The following RBFOX1 variants were observed in gnomAD, a reference collection of about 807,000 sequenced individuals.
RBFOX1 encodes RNA binding fox-1 homolog 1.
A neutral mutation model predicts 57.7 loss-of-function variants in RBFOX1; 8 were observed. The ratio of observed to expected loss-of-function variants is 0.14; its 90% CI spans 0.08 to 0.25. RBFOX1 has a LOEUF of 0.25. RBFOX1 is among the 10% of genes least tolerant of loss of function. The pLI, the probability that RBFOX1 is intolerant of heterozygous loss-of-function variation, is 1.00. For missense variants in RBFOX1, 611 were observed against 548.5 expected (o/e 1.11, Z -1.14); for synonymous variants, 326 against 222.4 (o/e 1.47, Z -4.15).
intron 3 of RBFOX1, among the ~76,000 whole-genome samples, chr16:6,847,736 A>G (rs1306082290): frequency 6.6e-6 from 1 of 152,166 alleles, no homozygotes; most frequent in African/African-American, 2.4e-5. Context: ...GTGAATGCTT[A>G]CACATTTTTA....
At chr16:7,454,707 CT>C (rs1020695036) in intron 4 of RBFOX1, among the ~76,000 whole-genome samples, 5 of 152,304 alleles carry the variant, frequency 3.3e-5, no homozygotes, top group Admixed American at 3.3e-4. Context: ...GAGTTTTTAT[CT>C]AAGCCAAGAT....
intron 3 of RBFOX1, among the ~76,000 whole-genome samples, chr16:5,612,316 C>T (rs557880715): frequency 1.4e-5 from 2 of 146,094 alleles, no homozygotes; most frequent in East Asian, 4.5e-4. Context: ...TTCCCATCTA[C>T]TCATCCACCT....
rs1443738197 is a variant in RBFOX1, at chr16:7,578,342, G to C, written c.271-1435G>C. Among the ~76,000 whole-genome samples the C allele has an allele frequency of 2.0e-5, 3 of 152,158 alleles. 1 individual carries two copies. Among genetic ancestry groups the C allele is most frequent in the Non-Finnish European group, 1.5e-5 (1 of 68,032 alleles). ...AATACATTGTCTAAATACATGACTT[G>C]CACTTAAAAGCTGAAGTCAACTGGT... On this transcript the variant is annotated intron_variant, in intron 5 of 15. Coordinates refer to ENST00000550418, the MANE Select transcript of RBFOX1 (RefSeq NM_018723.4).
chr16:7,370,721 G>T (rs371774748), intron 4 of RBFOX1, among the ~76,000 whole-genome samples: 11 of 152,306 alleles, frequency 7.2e-5, no homozygotes, highest in African/African-American at 2.4e-4. Flanking sequence ...CTAGTGGCCA[G>T]TTTTCCTGTT....
At chr16:5,963,445 T>C (rs2059788634) in intron 4 of RBFOX1, among the ~76,000 whole-genome samples, 1 of 152,226 alleles carries the variant, frequency 6.6e-6, no homozygotes, top group Non-Finnish European at 1.5e-5. Flanking sequence ...AGATGTTGAA[T>C]CTTGAGCAAG....
chr16:5,854,295 C>T (rs903573897), intron 3 of RBFOX1, among the ~76,000 whole-genome samples: 4 of 152,204 alleles, frequency 2.6e-5, no homozygotes, highest in East Asian at 1.9e-4. Context: ...ACTTATCCTG[C>T]GTAACTGAAA....
At chr16:6,760,475 A>C (rs905826168) in intron 3 of RBFOX1, among the ~76,000 whole-genome samples, 2 of 152,234 alleles carry the variant, frequency 1.3e-5, no homozygotes, top group Non-Finnish European at 2.9e-5. Context: ...AAATAAGATA[A>C]AATACCAAGG....
At chr16:7,159,304 T>G (rs1376285692) in intron 4 of RBFOX1, among the ~76,000 whole-genome samples, 1 of 152,150 alleles carries the variant, frequency 6.6e-6, no homozygotes, top group South Asian at 2.1e-4. Context: ...CCATTGTCAC[T>G]GCGTCATGCC....
intron 1 of RBFOX1, among the ~76,000 whole-genome samples, chr16:5,361,111 C>T (rs764159435): frequency 6.6e-6 from 1 of 152,114 alleles, no homozygotes. Flanking sequence ...TGCAATAATC[C>T]TGTGGTTCTA....
intron 5 of RBFOX1, among the ~76,000 whole-genome samples, chr16:7,577,972 G>A (rs953196669): frequency 2.6e-5 from 4 of 152,362 alleles, no homozygotes; most frequent in Non-Finnish European, 5.9e-5. Context: ...ATGCACTAAA[G>A]TTGGAATTGC....
rs142335374 is a variant in RBFOX1 at position 6,310,283 on chromosome 16, T to C, written c.-126-6712T>C. Among the ~76,000 whole-genome samples, 933 of 152,332 alleles carry C rather than the reference T, an allele frequency of 6.1e-3. 9 individuals carry two copies. Among genetic ancestry groups the C allele is most frequent in the Middle Eastern group, 0.037 (11 of 294 alleles). On this transcript the variant is annotated intron_variant, in intron 1 of 15. Transcript: ENST00000550418. ...AGAGAAGAGCCTCACTGGTTCCTTATTTTTAGGAATCTTCAGTGAGCACTT... is the reference window on the plus strand; with the variant it reads ...AGAGAAGAGCCTCACTGGTTCCTTACTTTTAGGAATCTTCAGTGAGCACTT...
chr16:7,293,466 C>G (rs2095833905), intron 4 of RBFOX1, among the ~76,000 whole-genome samples: 1 of 152,148 alleles, frequency 6.6e-6, no homozygotes, highest in African/African-American at 2.4e-5. Context: ...TCTCTGCCAC[C>G]ATCTTCATGT....
Position 7,046,506 on chromosome 16 carries a change from G to T in RBFOX1, c.-15-5551G>T, listed in dbSNP as rs2047997170. ...ATCAAGTTCAATACGTTAAATATAT[G>T]TAATTTTTATTTTTTAATTGTGCCT... On this transcript the variant is annotated intron_variant, in intron 3 of 15. Transcript: ENST00000550418. Among the ~76,000 whole-genome samples, 2 of 150,334 alleles carry T rather than the reference G, an allele frequency of 1.3e-5. 1 individual carries two copies. Among genetic ancestry groups the T allele is most frequent in the South Asian group, 4.2e-4 (2 of 4,742 alleles).
chr16:5,341,145 A>G (rs886639987), intron 1 of RBFOX1, among the ~76,000 whole-genome samples: 3 of 152,108 alleles, frequency 2.0e-5, no homozygotes, highest in Non-Finnish European at 2.9e-5. Flanking sequence ...TTGGTGCAGG[A>G]TGAGTAAGGG....
At chr16:5,551,288 G>A (rs1206465776) in intron 2 of RBFOX1, among the ~76,000 whole-genome samples, 4 of 152,122 alleles carry the variant, frequency 2.6e-5, no homozygotes, top group East Asian at 1.9e-4. Context: ...CTTACTTATC[G>A]AACACTTCAG....
At chr16:6,374,080 C>T (rs1008850250) in intron 2 of RBFOX1, among the ~76,000 whole-genome samples, 1 of 152,116 alleles carries the variant, frequency 6.6e-6, no homozygotes, top group African/African-American at 2.4e-5. Flanking sequence ...ATAATATCTG[C>T]CCTATTTACC....
chr16:6,929,509 G>A (rs1363228334), intron 3 of RBFOX1, among the ~76,000 whole-genome samples: 1 of 152,112 alleles, frequency 6.6e-6, no homozygotes, highest in Admixed American at 6.6e-5. Context: ...TTTATTGCAA[G>A]CCACAATATT....
At chr16:6,365,848 A>G (rs147564242) in intron 2 of RBFOX1, among the ~76,000 whole-genome samples, 48 of 152,338 alleles carry the variant, frequency 3.2e-4, no homozygotes, top group Non-Finnish European at 6.2e-4. Flanking sequence ...AAAGATATCT[A>G]GATCTAGGCA....
At chr16:6,344,144 C>T (rs906900937) in intron 2 of RBFOX1, among the ~76,000 whole-genome samples, 12 of 152,094 alleles carry the variant, frequency 7.9e-5, no homozygotes, top group Non-Finnish European at 1.6e-4. Context: ...TATGCAACCT[C>T]CACCTCCCGG....
Sources: gnomAD v4.1 joint callset for allele counts (sites outside exome capture counted in the v4.1 genomes callset) on GRCh38, gnomAD v4.1.1 for gene constraint, MANE v1.5 for transcripts, NCBI Gene and HGNC (gene_info 2026-07-23, HGNC 2026-07-21) for gene names.